The following HPSE2 variants were observed in gnomAD, a reference collection of about 807,000 sequenced individuals.
HPSE2 encodes the protein inactive heparanase-2.
HPSE2 carries 38 observed loss-of-function variants against 60.5 expected under a neutral mutation model. That is an observed-to-expected ratio of 0.63 (90% CI 0.48 to 0.82). HPSE2 has a LOEUF of 0.82. HPSE2 is among the 40% of genes least tolerant of loss of function. The probability of loss-of-function intolerance (pLI) is 0.00; values close to 1 mark genes in which losing one functional copy is unlikely to be tolerated. For missense variants in HPSE2, 713 were observed against 740.4 expected, an observed-to-expected ratio of 0.96 and a Z score of 0.43; for synonymous variants, 295 against 293.2, an observed-to-expected ratio of 1.01 and a Z score of -0.06.
At chr10:98,641,232 C>A (rs905207680) in intron 7 of HPSE2, among the ~76,000 whole-genome samples, 1 of 152,110 alleles carries the variant, frequency 6.6e-6, no homozygotes, top group Admixed American at 6.5e-5. Flanking sequence ...TCAAGTAAAT[C>A]TATTCTTCCC....
chr10:99,027,721 C>T (rs1430979584), intron 3 of HPSE2, among the ~76,000 whole-genome samples: 1 of 132,414 alleles, frequency 7.6e-6, no homozygotes, highest in Non-Finnish European at 1.6e-5. Context: ...CCACTACGGG[C>T]CAATATCTCT....
chr10:99,115,476 G>A (rs966386450), intron 3 of HPSE2, among the ~76,000 whole-genome samples: 5 of 149,948 alleles, frequency 3.3e-5, no homozygotes, highest in African/African-American at 9.8e-5. Context: ...TTTATTTTTT[G>A]TAGAGACAGG....
chr10:98,770,451 G>A (rs1387657338), intron 3 of HPSE2, among the ~76,000 whole-genome samples: 2 of 152,146 alleles, frequency 1.3e-5, no homozygotes, highest in Non-Finnish European at 2.9e-5. Context: ...ATATATCACT[G>A]CATTTGTGCC....
intron 11 of HPSE2, among the ~76,000 whole-genome samples, chr10:98,471,991 A>G (rs1043603931): frequency 6.6e-6 from 1 of 152,112 alleles, no homozygotes; most frequent in African/African-American, 2.4e-5. Context: ...AGGTATGTAT[A>G]TACTTATTTA....
the HPSE2 span, among the ~76,000 whole-genome samples, chr10:99,290,183 G>T: frequency 0.02 from 3,089 of 152,280 alleles, 112 homozygotes; most frequent in East Asian, 0.16. Flanking sequence ...TAGGGGGCAG[G>T]GAAGAGAGTC....
chr10:99,311,167 G>A, the HPSE2 span, among the ~76,000 whole-genome samples: 6 of 152,114 alleles, frequency 3.9e-5, no homozygotes, highest in Non-Finnish European at 7.3e-5. Context: ...AGTCTTCTGA[G>A]TCATATTGTC....
chr10:99,023,561 C>T (rs1359905444), intron 3 of HPSE2, among the ~76,000 whole-genome samples: 2 of 152,164 alleles, frequency 1.3e-5, no homozygotes, highest in Admixed American at 6.5e-5. Flanking sequence ...GCTATGCTGG[C>T]TTCAGGACTG....
intron 3 of HPSE2, among the ~76,000 whole-genome samples, chr10:98,944,329 G>A (rs1405074935): frequency 1.3e-5 from 2 of 152,106 alleles, no homozygotes; most frequent in Non-Finnish European, 2.9e-5. Context: ...CATTTCTTAA[G>A]GCAAATGGGA....
At chr10:98,558,433 A>G (rs1944076387) in intron 9 of HPSE2, among the ~76,000 whole-genome samples, 1 of 152,252 alleles carries the variant, frequency 6.6e-6, no homozygotes, top group South Asian at 2.1e-4. Flanking sequence ...CCACAATGAG[A>G]ATGAGCAATC....
chr10:98,485,858 C>T (rs892553153), intron 10 of HPSE2, among the ~76,000 whole-genome samples: 1 of 150,174 alleles, frequency 6.7e-6, no homozygotes, highest in African/African-American at 2.4e-5. Flanking sequence ...CTCTGCAGAG[C>T]TGGGGCAGAA....
chr10:98,552,557 T>C (rs1943893561), intron 9 of HPSE2, among the ~76,000 whole-genome samples: 1 of 152,110 alleles, frequency 6.6e-6, no homozygotes, highest in African/African-American at 2.4e-5. Flanking sequence ...CTACAGTATA[T>C]AAAAAACAGA....
At chr10:99,198,067 CA>C (rs554156519) in intron 2 of HPSE2, among the ~76,000 whole-genome samples, 154 of 117,138 alleles carry the variant, frequency 1.3e-3, no homozygotes, top group East Asian at 3.5e-3. Flanking sequence ...GACTCCGTCT[CA>C]AAAAAAAAAA....
At chr10:98,742,118 A>G (rs903393351) in intron 4 of HPSE2, among the ~76,000 whole-genome samples, 2 of 152,198 alleles carry the variant, frequency 1.3e-5, no homozygotes, top group Non-Finnish European at 2.9e-5. Flanking sequence ...ATACTCAGGC[A>G]AGTCTGGAAT....
At chr10:98,537,773 G>C (rs1306932412) in intron 9 of HPSE2, among the ~76,000 whole-genome samples, 1 of 152,172 alleles carries the variant, frequency 6.6e-6, no homozygotes, top group Non-Finnish European at 1.5e-5. Flanking sequence ...CCAGCTTCTT[G>C]TGGAAGGCTG....
chr10:98,822,911 A>G (rs1210247032), intron 3 of HPSE2, among the ~76,000 whole-genome samples: 2 of 152,226 alleles, frequency 1.3e-5, no homozygotes, highest in African/African-American at 4.8e-5. Flanking sequence ...GATTTTGAAG[A>G]TGTGATCAAA....
At chr10:98,960,726 A>G (rs12242157) in intron 3 of HPSE2, among the ~76,000 whole-genome samples, 2,063 of 101,930 alleles carry the variant, frequency 0.02, 46 homozygotes, top group East Asian at 0.12. Flanking sequence ...TTTTTGTTTT[A>G]TTTTTTTTAT....
intron 3 of HPSE2, chr10:99,048,333 G>A (rs1303102882): frequency 2.7e-6 from 1 of 373,118 alleles, no homozygotes; most frequent in South Asian, 2.5e-5. Context: ...TTTCTAAGCT[G>A]GTCAGTTAAT....
At chr10:98,692,891 T>C (rs1310724860) in intron 6 of HPSE2, among the ~76,000 whole-genome samples, 1 of 152,262 alleles carries the variant, frequency 6.6e-6, no homozygotes, top group Non-Finnish European at 1.5e-5. Flanking sequence ...ATTGAAGTTA[T>C]TGATTGCCAG....
At position 99,013,383 on chromosome 10, in the gene HPSE2, C is replaced by T. The variant is rs74622014; in HGVS notation, c.610+130855G>A. On this transcript the variant is annotated intron_variant, in intron 3 of 11. Coordinates refer to ENST00000370552, the MANE Select transcript of HPSE2 (RefSeq NM_021828.5). ...ACTGTTCACAGCAACTATACAGACT[C>T]TGTGTTAGTATAGTAAGTGTTTCAG... The T allele has an allele frequency of 3.1e-3, 1,796 of 570,664 alleles. 28 individuals carry two copies. The highest frequency in any genetic ancestry group is 0.029 in the African/African-American group (1,513 of 52,944). 35.4% of individuals were successfully genotyped at this position (570,664 alleles called of 1,614,324 possible). A position where few individuals can be genotyped will look rare whatever the true frequency, so the allele number is the denominator to read the frequency against.
Sources: allele counts gnomAD v4.1 joint callset (sites outside exome capture counted in the v4.1 genomes callset), GRCh38; gene constraint gnomAD v4.1.1; transcripts MANE v1.5; gene names NCBI Gene and HGNC (gene_info 2026-07-23, HGNC 2026-07-21).